Variants in ADGRE5 observed in about 807,000 individuals in gnomAD.
The protein encoded by ADGRE5 is adhesion G protein-coupled receptor E5, also known as CD97 molecule.
A neutral mutation model predicts 100.3 loss-of-function variants in ADGRE5; 72 were observed. That is an observed-to-expected ratio of 0.72 (90% CI 0.59 to 0.87). The LOEUF (loss-of-function observed/expected upper bound fraction) is 0.87, where lower values mean the gene tolerates loss of function less well. ADGRE5 is among the 40% of genes least tolerant of loss of function. The pLI is 0.00. For synonymous variants in ADGRE5, 439 were observed against 447.8 expected (o/e 0.98, Z 0.25); for missense variants, 959 against 1,094.7 (o/e 0.88, Z 1.75).
rs140836731 is a variant in ADGRE5, at chr19:14,391,063, C to T, written c.330C>T (p.Ser110=). Residue 110 remains serine, a synonymous_variant, in exon 4 of 20, where the codon AGC becomes AGT. Transcript: ENST00000242786. ...VSGAKTFKNE[S]ENTCQDVDEC... Reference sequence around the variant, plus strand: ...GGGCAAAAACATTCAAGAATGAGAGCGAGAACACCTGTCAAGGTAAGAACC... The same window carrying T: ...GGGCAAAAACATTCAAGAATGAGAGTGAGAACACCTGTCAAGGTAAGAACC... 3.3e-5 allele frequency: 53 copies of T among 1,614,050 alleles called. No homozygotes were observed. The highest frequency in any genetic ancestry group is 9.3e-5 in the African/African-American group (7 of 74,910).
Position 14,402,690 on chromosome 19 carries a change from TGGA to T in ADGRE5, c.1282_1284del (p.Glu428del), listed in dbSNP as rs751239310. The T allele has an allele frequency of 6.8e-6, 11 of 1,614,050 alleles. No homozygotes were observed. In the East Asian group the frequency reaches 2.5e-4, roughly 36 times the overall value. On this transcript the variant is annotated inframe_deletion, in exon 12 of 20. Transcript: ENST00000242786. ...CTGCATTCCAAGAAGCAAGCCGAAC[TGGA>T]GGAGATATATGAAAGCAGCATCCGT... is the stretch of plus-strand genomic sequence containing the variant.
intron 9 of ADGRE5, among the ~76,000 whole-genome samples, chr19:14,399,219 T>A (rs1975907061): frequency 6.6e-6 from 1 of 151,644 alleles, no homozygotes; most frequent in South Asian, 2.1e-4. Context: ...GTAAATCAAC[T>A]AATAGAAGTA....
chr19:14,400,058 C>T (rs543193914), intron 9 of ADGRE5, among the ~76,000 whole-genome samples: 7 of 151,518 alleles, frequency 4.6e-5, no homozygotes, highest in East Asian at 2.0e-4. Context: ...CTCGCTCTGT[C>T]GCCCAGGCCG....
At chr19:14,394,493 C>T (rs187233050) in intron 4 of ADGRE5, among the ~76,000 whole-genome samples, 28 of 152,264 alleles carry the variant, frequency 1.8e-4, no homozygotes, top group Non-Finnish European at 3.4e-4. Context: ...AACCCTGAGA[C>T]TCGGGACACT....
intron 9 of ADGRE5, chr19:14,398,426 T>G: frequency 2.7e-6 from 1 of 375,770 alleles, no homozygotes; most frequent in Non-Finnish European, 5.0e-6. Context: ...TCCCAGCACT[T>G]TGGAAGGCCG....
At chr19:14,385,695 T>C (rs1360373825) in intron 1 of ADGRE5, among the ~76,000 whole-genome samples, 4 of 151,558 alleles carry the variant, frequency 2.6e-5, no homozygotes, top group Admixed American at 6.6e-5. Context: ...GTGGGTGTGG[T>C]GTGTGTGCAC....
intron 1 of ADGRE5, among the ~76,000 whole-genome samples, chr19:14,385,312 C>G (rs969316349): frequency 3.3e-5 from 5 of 151,452 alleles, no homozygotes; most frequent in Non-Finnish European, 5.9e-5. Flanking sequence ...AAGCACAGCC[C>G]CCCACCTTCT....
rs1045492866 is a variant in ADGRE5 at position 14,408,504 on chromosome 19, C to T, written c.*383C>T. 4 of 466,634 alleles carry T rather than the reference C, an allele frequency of 8.6e-6. No individual in the cohort carries two copies. Among genetic ancestry groups the T allele is most frequent in the South Asian group, 3.0e-5 (1 of 33,360 alleles). The allele number at this position is 466,634 out of a possible 1,614,324, so 28.9% of individuals were successfully genotyped here. A position where few individuals can be genotyped will look rare whatever the true frequency, so the allele number is the denominator to read the frequency against. On this transcript the variant is annotated 3_prime_UTR_variant, in exon 20 of 20. Transcript: ENST00000242786. ...TTGCTGCAGAACTGAAGAGACTAGGCGCTGGGGCTCAGCTTCCCTCTTAAG... is the reference window on the plus strand; with the variant it reads ...TTGCTGCAGAACTGAAGAGACTAGGTGCTGGGGCTCAGCTTCCCTCTTAAG...
chr19:14,390,176 A>C (rs1346752145), intron 3 of ADGRE5, among the ~76,000 whole-genome samples: 1 of 151,676 alleles, frequency 6.6e-6, no homozygotes, highest in Non-Finnish European at 1.5e-5. Flanking sequence ...GAAGGAAATA[A>C]GGGAAGAATA....
chr19:14,393,298 G>A (rs377106464), intron 4 of ADGRE5, among the ~76,000 whole-genome samples: 2 of 151,780 alleles, frequency 1.3e-5, no homozygotes, highest in African/African-American at 4.8e-5. Context: ...GATCTGATGC[G>A]CCCCCAGGAT....
At chr19:14,385,449 CTCTA>C (rs1975312998) in intron 1 of ADGRE5, among the ~76,000 whole-genome samples, 2 of 152,190 alleles carry the variant, frequency 1.3e-5, no homozygotes, top group African/African-American at 4.8e-5. Flanking sequence ...GCTTCTTTGT[CTCTA>C]TCTCTCTGGT....
chr19:14,395,734 C>T (rs957894996), intron 4 of ADGRE5, among the ~76,000 whole-genome samples: 5 of 152,178 alleles, frequency 3.3e-5, no homozygotes, highest in East Asian at 1.9e-4. Context: ...CACTGTTCAC[C>T]CCAGCCTGGT....
At chr19:14,397,449 C>T in intron 6 of ADGRE5, 1 of 622,004 alleles carries the variant, frequency 1.6e-6, no homozygotes, top group Non-Finnish European at 2.9e-6. Flanking sequence ...TGATGACTCA[C>T]TGGGAGGAAG....
In ADGRE5 at chr19:14,406,938, A is replaced by G; in HGVS notation, c.2185A>G (p.Met729Val). The part of the protein sequence containing the change: ...TQKFSEINPD[M>V]KKLKKARALT... ...GAAGTTTTCTGAAATCAATCCAGACATGAAGAAATTAAAGAAGGCGAGGTG... is the reference window on the plus strand; with the variant it reads ...GAAGTTTTCTGAAATCAATCCAGACGTGAAGAAATTAAAGAAGGCGAGGTG... Residue 729 changes from methionine to valine, a missense_variant, in exon 17 of 20, where the codon ATG (methionine) becomes GTG (valine). Coordinates refer to ENST00000242786, the MANE Select transcript of ADGRE5 (RefSeq NM_078481.4). This position sits in a 1 kb window ranked among gnomAD's most constrained non-coding sequence, Gnocchi z 6.0. The G allele has an allele frequency of 1.2e-6, 2 of 1,614,192 alleles. No homozygotes were observed. The highest frequency in any genetic ancestry group is 1.7e-5 in the Admixed American group (1 of 60,024).
intron 3 of ADGRE5, 57 bp downstream of exon 3, chr19:14,388,875 C>T (rs1463385717): frequency 2.0e-6 from 3 of 1,486,098 alleles, no homozygotes; most frequent in Non-Finnish European, 2.8e-6. Flanking sequence ...CATTGCCCAG[C>T]CAGTGGGGGA....
At chr19:14,384,946 CTCTG>C (rs147332086) in intron 1 of ADGRE5, among the ~76,000 whole-genome samples, 24,782 of 145,740 alleles carry the variant, frequency 0.17, 2,610 homozygotes, top group Non-Finnish European at 0.24. Context: ...CCCTCTATCT[CTCTG>C]TCTCTCTCTC....
chr19:14,406,227 G>C lies in ADGRE5; in HGVS notation c.1822-104G>C. 1 of 932,712 alleles carries C rather than the reference G, an allele frequency of 1.1e-6. No individual in the cohort carries two copies. Among genetic ancestry groups the C allele is most frequent in the Non-Finnish European group, 1.6e-6 (1 of 634,814 alleles). The allele number at this position is 932,712 out of a possible 1,614,324, so 57.8% of individuals were successfully genotyped here. Reference sequence around the variant, plus strand: ...CCGCTCCAGACCCGCCCACCCTCCGGCTGTGGTCCCGCCCACTCTCGGGAC... The same window carrying C: ...CCGCTCCAGACCCGCCCACCCTCCGCCTGTGGTCCCGCCCACTCTCGGGAC... On this transcript the variant is annotated intron_variant, in intron 14 of 19. Coordinates refer to ENST00000242786, the MANE Select transcript of ADGRE5 (RefSeq NM_078481.4). This position sits in a 1 kb window ranked among gnomAD's most constrained non-coding sequence, Gnocchi z 6.0.
rs1366808074 is a variant in ADGRE5 at position 14,404,523 on chromosome 19, G to C, written c.1590G>C (p.Leu530=). The change falls in exon 13 of 20, where the codon CTG becomes CTC. Residue 530 remains leucine (L), a synonymous_variant. Coordinates refer to ENST00000242786, the MANE Select transcript of ADGRE5 (RefSeq NM_078481.4). ...GCACCACCTGCCAATGCAGCCACCT[G>C]AGCAGCTTTGCGATCCTTATGGCTC... ...NGSTTCQCSH[L]SSFAILMAHY... 1 of 1,613,292 alleles carries C rather than the reference G, an allele frequency of 6.2e-7. No homozygotes were observed. Among genetic ancestry groups the C allele is most frequent in the Non-Finnish European group, 8.5e-7 (1 of 1,179,706 alleles).
intron 1 of ADGRE5, among the ~76,000 whole-genome samples, chr19:14,382,352 G>C (rs373488998): frequency 6.6e-6 from 1 of 152,184 alleles, no homozygotes; most frequent in African/African-American, 2.4e-5. Context: ...TTTCTTGGGG[G>C]CACACTTGTT....
Sources: allele counts gnomAD v4.1 joint callset (sites outside exome capture counted in the v4.1 genomes callset), GRCh38; gene constraint gnomAD v4.1.1; non-coding constraint Gnocchi (gnomAD v3.1); transcripts MANE v1.5; gene names NCBI Gene and HGNC (gene_info 2026-07-23, HGNC 2026-07-21).